MAML2: variants seen among roughly 807,000 people sequenced by gnomAD.
MAML2 encodes mastermind-like protein 2.
Under a neutral mutation model 96.1 loss-of-function variants are expected in MAML2, and 22 were observed. The ratio of observed to expected loss-of-function variants is 0.23; its 90% confidence interval spans 0.16 to 0.33. MAML2 has a LOEUF of 0.33. Among genes scored for constraint, MAML2 ranks in the 10% least tolerant of loss-of-function variants. The pLI is 1.00. For synonymous variants in MAML2, 561 were observed against 521.3 expected, an observed-to-expected ratio of 1.08 and a Z score of -1.04; for missense variants, 1,367 against 1,392.4, an observed-to-expected ratio of 0.98 and a Z score of 0.29.
intron 1 of MAML2, among the ~76,000 whole-genome samples, chr11:96,114,127 T>C (rs1860184168): frequency 6.6e-6 from 1 of 152,132 alleles, no homozygotes; most frequent in Non-Finnish European, 1.5e-5. Context: ...CTACATTGCC[T>C]AGGCTGGTCT....
chr11:96,066,948 G>A (rs575586180), intron 2 of MAML2, among the ~76,000 whole-genome samples: 1 of 152,346 alleles, frequency 6.6e-6, no homozygotes, highest in African/African-American at 2.4e-5. Flanking sequence ...CTGGAGGATA[G>A]AGAAATAGAG....
intron 1 of MAML2, among the ~76,000 whole-genome samples, chr11:96,181,404 T>A: frequency 6.6e-6 from 1 of 152,226 alleles, no homozygotes; most frequent in Non-Finnish European, 1.5e-5. Flanking sequence ...CGAGACTATT[T>A]TTTTCTCCTT....
chr11:96,073,909 T>G (rs1859390774), intron 2 of MAML2, among the ~76,000 whole-genome samples: 1 of 152,164 alleles, frequency 6.6e-6, no homozygotes, highest in Non-Finnish European at 1.5e-5. Flanking sequence ...TGAATAAGTT[T>G]TTGTTTGCTA....
chr11:96,028,783 T>C (rs1295486930), intron 2 of MAML2, among the ~76,000 whole-genome samples: 2 of 152,216 alleles, frequency 1.3e-5, no homozygotes, highest in South Asian at 2.1e-4. Flanking sequence ...AGTATAACAT[T>C]GCTGTCCTTT....
intron 2 of MAML2, among the ~76,000 whole-genome samples, chr11:96,069,124 C>T (rs1859297463): frequency 6.6e-6 from 1 of 151,856 alleles, no homozygotes; most frequent in Non-Finnish European, 1.5e-5. Context: ...GATGGGGTCT[C>T]ACTATGCTGT....
At chr11:96,260,847 G>C (rs1272988524) in intron 1 of MAML2, among the ~76,000 whole-genome samples, 1 of 151,818 alleles carries the variant, frequency 6.6e-6, no homozygotes, top group Non-Finnish European at 1.5e-5. Flanking sequence ...GATCAAATGA[G>C]TAGCCATCAA....
chr11:96,302,612 T>C lies in MAML2; in HGVS notation c.513+38771A>G, dbSNP rs544270195. Among the ~76,000 whole-genome samples the C allele has an allele frequency of 2.6e-5, 4 of 152,362 alleles. No homozygotes were observed. The East Asian group carries it at 7.7e-4, about 29-fold the overall frequency. On this transcript the variant is annotated intron_variant, in intron 1 of 4. Coordinates refer to ENST00000524717, the MANE Select transcript of MAML2 (RefSeq NM_032427.4). ...AGGAGGTTCCCTGGAGACAGGATTT[T>C]CCACTTCTTGCTATCTAGAGTCTTG...
intron 1 of MAML2, among the ~76,000 whole-genome samples, chr11:96,191,282 G>A (rs1384960160): frequency 6.6e-6 from 1 of 151,872 alleles, no homozygotes; most frequent in Non-Finnish European, 1.5e-5. Context: ...TGACCAACAC[G>A]GTGAAACCCC....
chr11:96,231,214 A>G (rs1862289049), intron 1 of MAML2, among the ~76,000 whole-genome samples: 1 of 152,156 alleles, frequency 6.6e-6, no homozygotes, highest in Non-Finnish European at 1.5e-5. Context: ...TTCGTGTATC[A>G]CCATCTGTAG....
chr11:96,138,354 G>A (rs961644105), intron 1 of MAML2, among the ~76,000 whole-genome samples: 1 of 152,124 alleles, frequency 6.6e-6, no homozygotes, highest in Non-Finnish European at 1.5e-5. Context: ...ACTGCCCCTT[G>A]CCTAGGAGAT....
At chr11:96,173,566 G>A (rs1247025454) in intron 1 of MAML2, among the ~76,000 whole-genome samples, 3 of 152,326 alleles carry the variant, frequency 2.0e-5, no homozygotes, top group Non-Finnish European at 2.9e-5. Flanking sequence ...CCACCTCTAG[G>A]AGGGTACAGG....
chr11:96,112,823 G>C (rs1378644676), intron 1 of MAML2, among the ~76,000 whole-genome samples: 1 of 152,194 alleles, frequency 6.6e-6, no homozygotes, highest in Non-Finnish European at 1.5e-5. Context: ...AACATAGGTG[G>C]CTTAATTGAA....
intron 1 of MAML2, among the ~76,000 whole-genome samples, chr11:96,229,173 T>C (rs1401269974): frequency 6.6e-6 from 1 of 151,736 alleles, no homozygotes; most frequent in Non-Finnish European, 1.5e-5. Context: ...ACCTGGCTAG[T>C]GCCAGAATTT....
intron 1 of MAML2, among the ~76,000 whole-genome samples, chr11:96,247,484 T>TA (rs1862527135): frequency 6.6e-6 from 1 of 152,172 alleles, no homozygotes; most frequent in South Asian, 2.1e-4. Context: ...TAGCATTTTT[T>TA]ACCAGAATGA....
chr11:96,278,118 G>C (rs143902135), intron 1 of MAML2, among the ~76,000 whole-genome samples: 1 of 152,222 alleles, frequency 6.6e-6, no homozygotes, highest in African/African-American at 2.4e-5. Flanking sequence ...GAGAACCACT[G>C]CCTGGGGAAC....
At chr11:96,191,185 G>A (rs898793145) in intron 1 of MAML2, among the ~76,000 whole-genome samples, 4 of 152,156 alleles carry the variant, frequency 2.6e-5, no homozygotes, top group Non-Finnish European at 5.9e-5. Context: ...ATGGAACTAG[G>A]CCGGGCGCAG....
At chr11:96,336,310 G>A (rs1277352000) in intron 1 of MAML2, among the ~76,000 whole-genome samples, 1 of 152,024 alleles carries the variant, frequency 6.6e-6, no homozygotes, top group Non-Finnish European at 1.5e-5. Flanking sequence ...GTACATTCTA[G>A]GACTCAGTAA....
At chr11:96,275,679 T>C (rs1275579939) in intron 1 of MAML2, among the ~76,000 whole-genome samples, 4 of 152,206 alleles carry the variant, frequency 2.6e-5, no homozygotes, top group South Asian at 2.1e-4. Flanking sequence ...TTGAGAAGTG[T>C]AGAAAGCTTT....
At chr11:96,180,243 T>C (rs896146733) in intron 1 of MAML2, among the ~76,000 whole-genome samples, 3 of 152,202 alleles carry the variant, frequency 2.0e-5, no homozygotes, top group South Asian at 2.1e-4. Context: ...TAGGCTCTTC[T>C]GGCGATGTGA....
Sources: gnomAD v4.1 joint callset for allele counts (sites outside exome capture counted in the v4.1 genomes callset) on GRCh38, gnomAD v4.1.1 for gene constraint, MANE v1.5 for transcripts, NCBI Gene and HGNC (gene_info 2026-07-23, HGNC 2026-07-21) for gene names.